PRDM15: variants seen among roughly 807,000 people sequenced by gnomAD.
PRDM15 encodes PR/SET domain 15.
PRDM15 carries 64 observed loss-of-function variants against 128.6 expected under a neutral mutation model. The ratio of observed to expected loss-of-function variants is 0.50; its 90% CI spans 0.41 to 0.61. The LOEUF is 0.61. Among genes scored for constraint, PRDM15 ranks in the 20% least tolerant of loss-of-function variants. The pLI, the probability that PRDM15 is intolerant of heterozygous loss-of-function variation, is 0.00. For synonymous variants in PRDM15, 615 were observed against 621.8 expected (o/e 0.99, Z 0.16); for missense variants, 1,242 against 1,569.1 (o/e 0.79, Z 3.52).
Position 41,801,363 on chromosome 21 carries a change from G to A in PRDM15, c.3303C>T (p.Leu1101=), listed in dbSNP as rs759556472. Residue 1101 remains leucine (L), a synonymous_variant, in exon 24 of 24, where the codon CTC becomes CTT. Transcript: ENST00000398548. ...LGSQLSDQHP[L]TWRAVPQTDV... The stretch of plus-strand genomic sequence containing the variant: ...CAGTCTGGGGCACTGCCCGCCACGT[G>A]AGCGGGTGCTGGTCACTAAGCTGGC... The A allele has an allele frequency of 6.2e-7, 1 of 1,608,838 alleles. No individual in the cohort carries two copies. Among genetic ancestry groups the A allele is most frequent in the Admixed American group, 1.7e-5 (1 of 59,832 alleles).
chr21:41,811,132 G>A lies in PRDM15; in HGVS notation c.2393-296C>T. The A allele has an allele frequency of 2.6e-6, 1 of 387,780 alleles. No homozygotes were observed. The highest frequency in any genetic ancestry group is 4.8e-6 in the Non-Finnish European group (1 of 207,076). 24.0% of individuals were successfully genotyped at this position (387,780 alleles called of 1,614,324 possible). A position where few individuals can be genotyped will look rare whatever the true frequency, so the allele number is the denominator to read the frequency against. On this transcript the variant is annotated intron_variant, in intron 19 of 23. Coordinates refer to ENST00000398548, the MANE Select transcript of PRDM15 (RefSeq NM_001040424.3). This position sits in a 1 kb window ranked among gnomAD's most constrained non-coding sequence, Gnocchi z 4.1. Reference sequence around the variant, plus strand: ...CATGTGGACAAGCAGAAAAACGATAGGAATTTCTTTAAAGCATTAATGTAT... The same window carrying A: ...CATGTGGACAAGCAGAAAAACGATAAGAATTTCTTTAAAGCATTAATGTAT...
intron 9 of PRDM15, 21 bp from the exon 10 acceptor site, chr21:41,836,228 G>C (rs560655791): frequency 6.2e-7 from 1 of 1,604,884 alleles, no homozygotes; most frequent in East Asian, 2.2e-5. Flanking sequence ...AACCAACAGA[G>C]AGCTCATTCA....
chr21:41,835,462 C>T lies in PRDM15; in HGVS notation c.1341G>A (p.Ala447=), dbSNP rs747138134. ...CTGTCCTGCAGTTGTGGAACTCCAG[C>T]GCGCTCTCGATGCGGAAGGTCTTCT... ...TCEKTFRIES[A]LEFHNCRTDD... The change falls in exon 11 of 24, where the codon GCG becomes GCA. Residue 447 remains alanine, a synonymous_variant. Coordinates refer to ENST00000398548, the MANE Select transcript of PRDM15 (RefSeq NM_001040424.3). 5.8e-5 allele frequency: 94 copies of T among 1,609,830 alleles called. 1 individual carries two copies. In the South Asian group the frequency reaches 8.1e-4, roughly 14 times the overall value.
At position 41,864,603 on chromosome 21, in the gene PRDM15, G is replaced by A. The variant is rs576342618; in HGVS notation, c.-9-4231C>T. On this transcript the variant is annotated intron_variant, in intron 1 of 23. Coordinates refer to ENST00000398548, the MANE Select transcript of PRDM15 (RefSeq NM_001040424.3). ...CCTCTCTCGCCTCCCTCTGACACCC[G>A]CCCATCACCCACTACCTGCAGCCCC... Among the ~76,000 whole-genome samples the A allele has an allele frequency of 1.1e-3, 172 of 151,870 alleles. 3 individuals carry two copies. The highest frequency in any genetic ancestry group is 3.4e-3 in the Middle Eastern group (1 of 294).
chr21:41,875,948 C>G (rs981256655), intron 1 of PRDM15, among the ~76,000 whole-genome samples: 3 of 152,176 alleles, frequency 2.0e-5, no homozygotes, highest in Admixed American at 6.5e-5. Context: ...ATGGTATAGC[C>G]TACTACACAC....
intron 6 of PRDM15, among the ~76,000 whole-genome samples, chr21:41,846,324 A>G (rs570810614): frequency 2.0e-5 from 3 of 152,394 alleles, no homozygotes; most frequent in Admixed American, 2.0e-4. Flanking sequence ...AAATAAACAG[A>G]AAGTTCCCAG....
At position 41,859,249 on chromosome 21, in the gene PRDM15, A is replaced by C; in HGVS notation, c.131+343T>G. On this transcript the variant is annotated intron_variant, in intron 3 of 23. Coordinates refer to ENST00000398548, the MANE Select transcript of PRDM15 (RefSeq NM_001040424.3). The surrounding 1 kb of genome is among the most constrained non-coding windows in gnomAD (Gnocchi z 5.3). ...AAGACCTGGAATGCAGAGAGAAGCC[A>C]ACGAGCAGACCTCCAGCTTGGCTGC... 2 of 1,611,144 alleles carry C rather than the reference A, an allele frequency of 1.2e-6. No homozygotes were observed. Among genetic ancestry groups the C allele is most frequent in the African/African-American group, 1.3e-5 (1 of 75,028 alleles).
chr21:41,865,696 T>C (rs898335348), intron 1 of PRDM15, among the ~76,000 whole-genome samples: 6 of 152,180 alleles, frequency 3.9e-5, no homozygotes, highest in African/African-American at 1.4e-4. Flanking sequence ...AACCACTATC[T>C]CAGTTTCACA....
intron 11 of PRDM15, among the ~76,000 whole-genome samples, chr21:41,831,493 C>T (rs2062689403): frequency 6.6e-6 from 1 of 152,222 alleles, no homozygotes; most frequent in Non-Finnish European, 1.5e-5. Flanking sequence ...AAATGAGACT[C>T]TCTGGGGTGG....
At chr21:41,858,533 T>G (rs2063711624) in intron 3 of PRDM15, among the ~76,000 whole-genome samples, 1 of 147,422 alleles carries the variant, frequency 6.8e-6, no homozygotes, top group Admixed American at 6.7e-5. Context: ...GAGGCGGACA[T>G]TGGGTGCCCA....
At chr21:41,860,451 C>T (rs947056020) in intron 1 of PRDM15, 79 bp from the exon 2 acceptor site, 21 of 1,250,796 alleles carry the variant, frequency 1.7e-5, no homozygotes, top group Admixed American at 5.1e-5. Context: ...ATTGAGCTCC[C>T]TCTGTTGCCC....
chr21:41,879,211 C>CCCGGGGCCGGCGGGGCGCACG lies in PRDM15; in HGVS notation c.-10+38_-10+58dup. 1.3e-6 allele frequency: 1 copy of CCCGGGGCCGGCGGGGCGCACG among 787,618 alleles called. No homozygotes were observed. The highest frequency in any genetic ancestry group is 1.5e-6 in the Non-Finnish European group (1 of 652,404). The allele number at this position is 787,618 out of a possible 1,614,324, so 48.8% of individuals were successfully genotyped here. On this transcript the variant is annotated intron_variant, in intron 1 of 23. Transcript: ENST00000398548. This position sits in a 1 kb window ranked among gnomAD's most constrained non-coding sequence, Gnocchi z 5.1. ...GGGCTCGCGGGGGCAGCGGGTGCGG[C>CCCGGGGCCGGCGGGGCGCACG]CCGGGGCCGGCGGGGCGCACGCCGG...
Position 41,854,831 on chromosome 21 carries a change from C to G in PRDM15, c.286-13G>C. 1.3e-6 allele frequency: 2 copies of G among 1,592,318 alleles called. No individual in the cohort carries two copies. Among genetic ancestry groups the G allele is most frequent in the Non-Finnish European group, 1.7e-6 (2 of 1,165,174 alleles). On this transcript the variant is annotated splice_polypyrimidine_tract_variant and intron_variant, in intron 4 of 23. Transcript: ENST00000398548. This position sits in a 1 kb window ranked among gnomAD's most constrained non-coding sequence, Gnocchi z 4.6. Reference sequence around the variant, plus strand: ...CCTTCTGGAACACCTGAAGGTGAGTCGGCCCATGGAGAAGCCGGGGAAATG... The same window carrying G: ...CCTTCTGGAACACCTGAAGGTGAGTGGGCCCATGGAGAAGCCGGGGAAATG...
intron 6 of PRDM15, among the ~76,000 whole-genome samples, chr21:41,846,337 C>T (rs887140084): frequency 1.1e-4 from 16 of 152,248 alleles, no homozygotes; most frequent in Admixed American, 4.6e-4. Context: ...GTTCCCAGAG[C>T]ACTGCAGAAG....
intron 6 of PRDM15, among the ~76,000 whole-genome samples, chr21:41,840,774 A>C (rs952549288): frequency 6.6e-6 from 1 of 152,150 alleles, no homozygotes; most frequent in Non-Finnish European, 1.5e-5. Context: ...ATGAATAAAG[A>C]AGGGTTAAAA....
At chr21:41,847,336 A>G in intron 5 of PRDM15, 145 bp from the exon 6 acceptor site, 1 of 591,728 alleles carries the variant, frequency 1.7e-6, no homozygotes, top group East Asian at 2.9e-5. Flanking sequence ...GTCACTCCAC[A>G]TGACAGACAC....
intron 5 of PRDM15, 48 bp from the exon 6 acceptor site, chr21:41,847,239 A>T: frequency 7.6e-7 from 1 of 1,316,970 alleles, no homozygotes; most frequent in Non-Finnish European, 1.1e-6. Context: ...AGCAGCTCAT[A>T]TGTCTCCATG....
intron 11 of PRDM15, among the ~76,000 whole-genome samples, chr21:41,829,944 T>C (rs1342887662): frequency 1.4e-5 from 2 of 139,852 alleles, no homozygotes; most frequent in Non-Finnish European, 3.1e-5. Context: ...CCCAATCACA[T>C]ACTACACAAA....
At chr21:41,872,790 A>T (rs2064260811) in intron 1 of PRDM15, among the ~76,000 whole-genome samples, 1 of 152,224 alleles carries the variant, frequency 6.6e-6, no homozygotes, top group Non-Finnish European at 1.5e-5. Flanking sequence ...GGGCACGCAG[A>T]ACCACTGGAT....
Sources: gnomAD v4.1 joint callset for allele counts (sites outside exome capture counted in the v4.1 genomes callset) on GRCh38, gnomAD v4.1.1 for gene constraint, Gnocchi (gnomAD v3.1) non-coding constraint, MANE v1.5 for transcripts, NCBI Gene and HGNC (gene_info 2026-07-23, HGNC 2026-07-21) for gene names.